Variants in PKHD1 observed in about 807,000 individuals in gnomAD.
PKHD1 encodes PKHD1 ciliary IPT domain containing fibrocystin/polyductin, also known as fibrocystin.
PKHD1 carries 291 observed loss-of-function variants against 412.0 expected under a neutral mutation model. That is an observed-to-expected ratio of 0.71 (90% CI 0.64 to 0.78). The LOEUF (loss-of-function observed/expected upper bound fraction) is 0.78, where lower values mean the gene tolerates loss of function less well. Ranked by LOEUF, PKHD1 falls within the 30% of genes least tolerant of loss-of-function variation. PKHD1 has a pLI of 0.00. For synonymous variants in PKHD1, 1,777 were observed against 1,821.5 expected (o/e 0.98, Z 0.62); for missense variants, 4,825 against 4,950.7 (o/e 0.97, Z 0.76).
intron 61 of PKHD1, among the ~76,000 whole-genome samples, chr6:51,653,315 T>C (rs923002479): frequency 2.6e-5 from 4 of 152,148 alleles, no homozygotes; most frequent in South Asian, 2.1e-4. Flanking sequence ...TCTTAGCAAA[T>C]AGCCAATTCC....
At chr6:51,942,395 T>C (rs555958169) in intron 36 of PKHD1, among the ~76,000 whole-genome samples, 2 of 151,848 alleles carry the variant, frequency 1.3e-5, no homozygotes, top group South Asian at 4.1e-4. Flanking sequence ...TTAGAGGCCC[T>C]TAAAACCATA....
At chr6:51,830,804 T>C in intron 52 of PKHD1, 57 bp downstream of exon 52, 1 of 1,509,276 alleles carries the variant, frequency 6.6e-7, no homozygotes, top group Non-Finnish European at 9.2e-7. Flanking sequence ...TGAAACATAA[T>C]CAGATCTGGC....
chr6:51,678,897 CA>C (rs753555918), intron 60 of PKHD1, among the ~76,000 whole-genome samples: 7 of 152,054 alleles, frequency 4.6e-5, no homozygotes, highest in Non-Finnish European at 8.8e-5. Flanking sequence ...ATGGGTTAAA[CA>C]CAGGAGCAGC....
rs1469853437 is a variant in PKHD1 at position 51,666,842 on chromosome 6, A to G, written c.10157-6873T>C. Among the ~76,000 whole-genome samples the G allele has an allele frequency of 2.0e-5, 3 of 151,658 alleles. No individual in the cohort carries two copies. The East Asian group carries it at 5.8e-4, about 29-fold the overall frequency. On this transcript the variant is annotated intron_variant, in intron 60 of 66. Coordinates refer to ENST00000371117, the MANE Select transcript of PKHD1 (RefSeq NM_138694.4). Reference sequence around the variant, plus strand: ...AGTTTACTGAGAATGATGATTTCCAATTTCATCCATGTCCCTACAAAGGAC... The same window carrying G: ...AGTTTACTGAGAATGATGATTTCCAGTTTCATCCATGTCCCTACAAAGGAC...
chr6:51,768,941 A>G lies in PKHD1; in HGVS notation c.8642+3761T>C, dbSNP rs145157685. Among the ~76,000 whole-genome samples the G allele has an allele frequency of 3.5e-3, 525 of 151,848 alleles. 5 individuals are homozygous for G. Among genetic ancestry groups the G allele is most frequent in the African/African-American group, 0.011 (447 of 41,552 alleles). ...GAATGTTTGCTGAATTTTATTAAAC[A>G]TATTTCCTTTTTGTGCCAAATTGGT... is the stretch of plus-strand genomic sequence containing the variant. On this transcript the variant is annotated intron_variant, in intron 55 of 66. Coordinates refer to ENST00000371117, the MANE Select transcript of PKHD1 (RefSeq NM_138694.4).
chr6:51,826,863 T>G (rs1368065387), intron 52 of PKHD1, among the ~76,000 whole-genome samples: 1 of 152,156 alleles, frequency 6.6e-6, no homozygotes, highest in Non-Finnish European at 1.5e-5. Flanking sequence ...AAGTCCTATT[T>G]TTATGGAATA....
At chr6:51,677,926 A>G (rs1412883657) in intron 60 of PKHD1, among the ~76,000 whole-genome samples, 2 of 152,142 alleles carry the variant, frequency 1.3e-5, no homozygotes, top group Admixed American at 1.3e-4. Context: ...TCAATAGACT[A>G]TTTTATAATT....
At chr6:51,978,602 T>C (rs914578877) in intron 35 of PKHD1, among the ~76,000 whole-genome samples, 1 of 152,180 alleles carries the variant, frequency 6.6e-6, no homozygotes, top group Admixed American at 6.5e-5. Context: ...AAACAGTTTA[T>C]GAACTGAGAG....
intron 55 of PKHD1, among the ~76,000 whole-genome samples, chr6:51,767,339 A>C (rs552890685): frequency 1.4e-4 from 21 of 150,866 alleles, no homozygotes; most frequent in African/African-American, 2.7e-4. Context: ...CTTTTCTTTT[A>C]TTTTATTATT....
chr6:51,863,147 A>C (rs554341034), intron 48 of PKHD1, among the ~76,000 whole-genome samples: 1 of 152,326 alleles, frequency 6.6e-6, no homozygotes, highest in East Asian at 1.9e-4. Flanking sequence ...TAACTTGTGC[A>C]AAGAAATATA....
chr6:51,717,070 G>A (rs1781357299), intron 60 of PKHD1, among the ~76,000 whole-genome samples: 1 of 152,192 alleles, frequency 6.6e-6, no homozygotes, highest in African/African-American at 2.4e-5. Context: ...TTAGAGTTGT[G>A]ACTCTCTTCC....
chr6:51,746,506 T>C (rs553034616), intron 59 of PKHD1, among the ~76,000 whole-genome samples: 1 of 152,290 alleles, frequency 6.6e-6, no homozygotes, highest in East Asian at 1.9e-4. Flanking sequence ...AAATAGCCCC[T>C]GCCTCTTTAG....
At chr6:51,716,426 G>A (rs1037736368) in intron 60 of PKHD1, among the ~76,000 whole-genome samples, 1 of 152,126 alleles carries the variant, frequency 6.6e-6, no homozygotes, top group Non-Finnish European at 1.5e-5. Context: ...TAATACAATG[G>A]TTTAGGTTCA....
chr6:51,905,100 A>T (rs1781881473), intron 41 of PKHD1, among the ~76,000 whole-genome samples: 1 of 152,232 alleles, frequency 6.6e-6, no homozygotes, highest in Non-Finnish European at 1.5e-5. Context: ...GATTGTTCTT[A>T]AATGAAACAT....
intron 60 of PKHD1, among the ~76,000 whole-genome samples, chr6:51,728,206 A>C (rs1782815801): frequency 6.6e-6 from 1 of 152,058 alleles, no homozygotes; most frequent in African/African-American, 2.4e-5. Context: ...GATGGAACCC[A>C]CTCCCAGATG....
chr6:51,886,343 G>T (rs1299859750), intron 44 of PKHD1, among the ~76,000 whole-genome samples: 1 of 152,118 alleles, frequency 6.6e-6, no homozygotes, highest in Non-Finnish European at 1.5e-5. Context: ...TTATGATCTA[G>T]AAAATAATGC....
chr6:51,917,793 C>T (rs558275938), intron 37 of PKHD1, among the ~76,000 whole-genome samples: 121 of 152,176 alleles, frequency 8.0e-4, no homozygotes, highest in Middle Eastern at 3.4e-3. Context: ...TGAGCAGGAC[C>T]CATCCAAAAA....
At position 51,646,455 on chromosome 6, in the gene PKHD1, G is replaced by A. The variant is rs1338997155; in HGVS notation, c.11398+1576C>T. Among the ~76,000 whole-genome samples the A allele has an allele frequency of 2.0e-5, 3 of 152,082 alleles. No homozygotes were observed. In the East Asian group the frequency reaches 5.8e-4, roughly 29 times the overall value. The stretch of plus-strand genomic sequence containing the variant: ...TAATAATTTATGGGTTATGTTGGAG[G>A]GAGGCAGGTAAGAAGAAAAAAACTC... On this transcript the variant is annotated intron_variant, in intron 63 of 66. Transcript: ENST00000371117.
Position 51,838,890 on chromosome 6 carries a change from G to A in PKHD1, c.8108-2421C>T, listed in dbSNP as rs144365060. The stretch of plus-strand genomic sequence containing the variant: ...ATCTATCTCATATGGCTATTAGAAA[G>A]AAAAGATAGAATAGTCCATGGAACA... On this transcript the variant is annotated intron_variant, in intron 50 of 66. Transcript: ENST00000371117. Among the ~76,000 whole-genome samples, 441 of 152,272 alleles carry A rather than the reference G, an allele frequency of 2.9e-3. 2 individuals are homozygous for A. Among genetic ancestry groups the A allele is most frequent in the African/African-American group, 0.01 (421 of 41,562 alleles).
Sources: gnomAD v4.1 joint callset for allele counts (sites outside exome capture counted in the v4.1 genomes callset) on GRCh38, gnomAD v4.1.1 for gene constraint, MANE v1.5 for transcripts, NCBI Gene and HGNC (gene_info 2026-07-23, HGNC 2026-07-21) for gene names.